Variants in SLC25A12 observed in about 807,000 individuals in gnomAD.
The protein encoded by SLC25A12 is electrogenic aspartate/glutamate antiporter SLC25A12, mitochondrial.
Under a neutral mutation model 83.3 loss-of-function variants are expected in SLC25A12, and 32 were observed. The observed-to-expected ratio is 0.38, with a 90% CI of 0.29 to 0.52. The LOEUF is 0.52. Among genes scored for constraint, SLC25A12 ranks in the 20% least tolerant of loss-of-function variants. The pLI, the probability that SLC25A12 is intolerant of heterozygous loss-of-function variation, is 0.84. For synonymous variants in SLC25A12, 267 were observed against 291.1 expected (o/e 0.92, Z 0.84); for missense variants, 611 against 835.6 (o/e 0.73, Z 3.31).
intron 5 of SLC25A12, among the ~76,000 whole-genome samples, chr2:171,841,866 A>C (rs1193014408): frequency 1.3e-5 from 2 of 152,238 alleles, no homozygotes; most frequent in Admixed American, 6.5e-5. Context: ...GGGTGATCAC[A>C]GAATGACTCC....
intron 2 of SLC25A12, among the ~76,000 whole-genome samples, chr2:171,891,845 C>A (rs1428005837): frequency 1.3e-5 from 2 of 152,210 alleles, no homozygotes; most frequent in Non-Finnish European, 2.9e-5. Flanking sequence ...GAAAAAAATA[C>A]TTCCCTTATC....
At chr2:171,855,534 G>A (rs937310857) in intron 4 of SLC25A12, among the ~76,000 whole-genome samples, 4 of 151,964 alleles carry the variant, frequency 2.6e-5, no homozygotes, top group African/African-American at 9.7e-5. Context: ...AATCGACCTT[G>A]TAAGGAATTT....
intron 2 of SLC25A12, among the ~76,000 whole-genome samples, chr2:171,872,134 A>T (rs1233728078): frequency 6.6e-6 from 1 of 152,094 alleles, no homozygotes; most frequent in Non-Finnish European, 1.5e-5. Flanking sequence ...CCTTGGCTCT[A>T]CCACTAACCC....
intron 4 of SLC25A12, 102 bp downstream of exon 4, chr2:171,855,732 A>G: frequency 1.3e-6 from 1 of 785,436 alleles, no homozygotes; most frequent in Non-Finnish European, 2.3e-6. Context: ...ATTATGGGTC[A>G]GATCCCAAAT....
At chr2:171,824,559 T>C (rs865974884) in intron 9 of SLC25A12, among the ~76,000 whole-genome samples, 4 of 152,202 alleles carry the variant, frequency 2.6e-5, no homozygotes, top group Admixed American at 6.5e-5. Context: ...CAAAATATCT[T>C]CTTTTGAAAT....
intron 14 of SLC25A12, among the ~76,000 whole-genome samples, chr2:171,792,378 T>C (rs1273226983): frequency 6.6e-6 from 1 of 151,682 alleles, no homozygotes; most frequent in East Asian, 1.9e-4. Context: ...GCCTTGACCG[T>C]CTGAGCTCAA....
chr2:171,785,339 G>A lies in SLC25A12; in HGVS notation c.1972C>T (p.Pro658Ser). Reference sequence around the variant, plus strand: ...GCAACACTAGGAGACTTAAATTTCGGGAGATAAAGGCCAAATTTGTTTTCG... The same window carrying A: ...GCAACACTAGGAGACTTAAATTTCGAGAGATAAAGGCCAAATTTGTTTTCG... ...GIENKFGLYL[P>S]KFKSPSVAVV... The change falls in exon 18 of 18, where the codon CCG becomes TCG. Residue 658 changes from proline to serine, a missense_variant. By Grantham distance (74) the Pro-to-Ser change is moderately conservative. Around this residue, in one of 3 missense-constraint regions of SLC25A12, gnomAD observed 37 missense variants for 35.1 expected, o/e 1.05. Coordinates refer to ENST00000422440, the MANE Select transcript of SLC25A12 (RefSeq NM_003705.5). The A allele has an allele frequency of 6.2e-7, 1 of 1,614,130 alleles. No individual in the cohort carries two copies. Among genetic ancestry groups the A allele is most frequent in the Non-Finnish European group, 8.5e-7 (1 of 1,180,024 alleles).
At chr2:171,798,029 T>A (rs1683633492) in intron 13 of SLC25A12, among the ~76,000 whole-genome samples, 3 of 152,228 alleles carry the variant, frequency 2.0e-5, no homozygotes, top group African/African-American at 7.2e-5. Context: ...CAGACTTAGA[T>A]GCTTTCTATT....
intron 4 of SLC25A12, among the ~76,000 whole-genome samples, chr2:171,854,356 C>CA (rs1685000970): frequency 6.6e-6 from 1 of 152,106 alleles, no homozygotes; most frequent in Non-Finnish European, 1.5e-5. Context: ...ATCATGAGGT[C>CA]AACTGTTCGA....
At chr2:171,793,830 A>C in intron 13 of SLC25A12, 63 bp from the exon 14 acceptor site, 3 of 1,582,324 alleles carry the variant, frequency 1.9e-6, no homozygotes, top group Non-Finnish European at 2.6e-6. Flanking sequence ...AGCGTAAAAA[A>C]GGAAAATCCA....
chr2:171,801,131 C>T (rs1341309167), intron 13 of SLC25A12, among the ~76,000 whole-genome samples: 2 of 152,062 alleles, frequency 1.3e-5, no homozygotes, highest in Non-Finnish European at 2.9e-5. Context: ...CATATTCATA[C>T]ACTTATTAAA....
At chr2:171,795,278 C>G (rs772785384) in intron 13 of SLC25A12, among the ~76,000 whole-genome samples, 2 of 152,184 alleles carry the variant, frequency 1.3e-5, no homozygotes, top group South Asian at 4.1e-4. Flanking sequence ...GGTCCCCCAA[C>G]GATGTACTGA....
At chr2:171,810,040 T>C (rs1304999497) in intron 12 of SLC25A12, among the ~76,000 whole-genome samples, 184 bp downstream of exon 12, 1 of 152,134 alleles carries the variant, frequency 6.6e-6, no homozygotes, top group Non-Finnish European at 1.5e-5. Flanking sequence ...GTTGTTGTTG[T>C]TGTTTTGGTA....
chr2:171,817,435 C>T (rs574205077), intron 9 of SLC25A12, among the ~76,000 whole-genome samples: 3 of 151,822 alleles, frequency 2.0e-5, no homozygotes, highest in African/African-American at 7.2e-5. Context: ...AACCCTCTCT[C>T]TACTAAAAAT....
At chr2:171,815,356 T>A (rs1395921413) in intron 9 of SLC25A12, among the ~76,000 whole-genome samples, 154 bp from the exon 10 acceptor site, 1 of 152,222 alleles carries the variant, frequency 6.6e-6, no homozygotes, top group Non-Finnish European at 1.5e-5. Context: ...AAATAGGATA[T>A]TCATGCAGCC....
intron 13 of SLC25A12, among the ~76,000 whole-genome samples, chr2:171,799,595 G>A (rs980372553): frequency 2.6e-5 from 4 of 152,168 alleles, no homozygotes; most frequent in African/African-American, 7.2e-5. Flanking sequence ...GGTGTGTGTA[G>A]ACACATGCTT....
intron 5 of SLC25A12, 98 bp downstream of exon 5, chr2:171,844,271 A>C: frequency 7.6e-7 from 1 of 1,321,758 alleles, no homozygotes; most frequent in Non-Finnish European, 1.1e-6. Flanking sequence ...GTGAAATACC[A>C]TGGAGAACTT....
intron 13 of SLC25A12, among the ~76,000 whole-genome samples, chr2:171,808,731 G>A (rs1683886060): frequency 6.6e-6 from 1 of 152,146 alleles, no homozygotes; most frequent in Non-Finnish European, 1.5e-5. Context: ...AAGTTTTAGG[G>A]TACATGTGCA....
chr2:171,802,173 T>A (rs573893305), intron 13 of SLC25A12, among the ~76,000 whole-genome samples: 1 of 151,626 alleles, frequency 6.6e-6, no homozygotes, highest in African/African-American at 2.4e-5. Flanking sequence ...TTTTAAAAAA[T>A]TATTATTATT....
Sources: allele counts gnomAD v4.1 joint callset (sites outside exome capture counted in the v4.1 genomes callset), GRCh38; gene constraint gnomAD v4.1.1; regional missense constraint gnomAD v4.1.1; transcripts MANE v1.5; gene names NCBI Gene and HGNC (gene_info 2026-07-23, HGNC 2026-07-21).